The following CFAP74 variants were observed in gnomAD, a reference collection of about 807,000 sequenced individuals.
CFAP74 encodes cilia- and flagella-associated protein 74.
CFAP74 carries 124 observed loss-of-function variants against 188.9 expected under a neutral mutation model. That is an observed-to-expected ratio of 0.66 (90% confidence interval 0.57 to 0.76). CFAP74 has a LOEUF of 0.76. CFAP74 is among the 30% of genes least tolerant of loss of function. The pLI is 0.00. For synonymous variants in CFAP74, 956 were observed against 916.7 expected (o/e 1.04, Z -0.77); for missense variants, 2,198 against 2,165.2 (o/e 1.02, Z -0.30).
rs531238184 is a variant in CFAP74, at chr1:1,979,416, G to A, written c.501-5218C>T. Among the ~76,000 whole-genome samples, 259 of 146,204 alleles carry A rather than the reference G, an allele frequency of 1.8e-3. 1 individual carries two copies. The highest frequency in any genetic ancestry group is 4.0e-3 in the South Asian group (18 of 4,506). ...CACGTGACAAGGCTGTGCAGAACAC[G>A]CGTGTGGTACTGAGCTGGGCGTGGG... On this transcript the variant is annotated intron_variant, in intron 6 of 38. Coordinates refer to ENST00000682832, the MANE Select transcript of CFAP74 (RefSeq NM_001304360.2).
chr1:1,926,754 T>G lies in CFAP74; in HGVS notation c.3670A>C (p.Asn1224His). The G allele has an allele frequency of 6.5e-7, 1 of 1,549,672 alleles. No individual in the cohort carries two copies. The highest frequency in any genetic ancestry group is 8.7e-7 in the Non-Finnish European group (1 of 1,146,676). ...GSEPLSFSPHNTLYLELWCPT... is the reference protein window; with the variant it reads ...GSEPLSFSPHHTLYLELWCPT... ...CACCACAGCTCCAGGTACAGGGTGT[T>G]GTGGGGGCTGGGATAGGAAGGGCAT... Residue 1224 changes from asparagine to histidine, a missense_variant, in exon 30 of 39, where the codon AAC (asparagine) becomes CAC (histidine). Physicochemically the swap from Asn to His is moderately conservative, Grantham distance 68. Transcript: ENST00000682832.
chr1:1,970,721 G>A lies in CFAP74; in HGVS notation c.984C>T (p.Gly328=). ...QAEKKAILAQ[G]RDAFRHLVHQ... ...GGACAAGGTGCCTGAATGCATCCCT[G>A]CCCTGGGCCAGAATCGCCTTCTTCT... Residue 328 remains glycine (G), a synonymous_variant, in exon 10 of 39, where the codon GGC becomes GGT. Transcript: ENST00000682832. 3.1e-6 allele frequency: 5 copies of A among 1,614,056 alleles called. No individual in the cohort carries two copies. The highest frequency in any genetic ancestry group is 4.2e-6 in the Non-Finnish European group (5 of 1,179,974).
intron 2 of CFAP74, among the ~76,000 whole-genome samples, chr1:1,989,859 C>G (rs750209825): frequency 2.6e-5 from 4 of 152,318 alleles, no homozygotes; most frequent in Non-Finnish European, 5.9e-5. Flanking sequence ...GTTCTCAAAG[C>G]AAAATCCGAG....
intron 5 of CFAP74, among the ~76,000 whole-genome samples, chr1:1,985,963 C>T (rs1378447592): frequency 3.9e-5 from 6 of 152,244 alleles, no homozygotes; most frequent in African/African-American, 1.4e-4. Context: ...CCCACGAGAG[C>T]GGCACAGTGT....
intron 18 of CFAP74, among the ~76,000 whole-genome samples, chr1:1,952,526 G>A (rs1306186667): frequency 6.6e-6 from 1 of 150,814 alleles, no homozygotes; most frequent in African/African-American, 2.5e-5. Flanking sequence ...ATAACACATT[G>A]ATGAGCAAGA....
rs1390002726 is a variant in CFAP74, at chr1:1,970,659, C to T, written c.1046G>A (p.Arg349Lys). ...RRRQELEAQK[R>K]AFEEEQKLRK... ...GTGGCACCTCTGCCACCACCCTCAC[C>T]TCTTCTGGGCCTCCAGCTCCTGGCG... Residue 349 changes from arginine (R) to lysine (K), a missense_variant and splice_region_variant, in exon 10 of 39, where the codon AGG (arginine) becomes AAG (lysine). Arg to Lys is a conservative substitution (Grantham distance 26). Transcript: ENST00000682832. 1 of 1,604,870 alleles carries T rather than the reference C, an allele frequency of 6.2e-7. No individual in the cohort carries two copies. Among genetic ancestry groups the T allele is most frequent in the Admixed American group, 1.7e-5 (1 of 58,078 alleles).
In CFAP74 at chr1:1,988,977, G is replaced by C. The variant is rs1479241734; in HGVS notation, c.68-4C>G. 4 of 1,394,186 alleles carry C rather than the reference G, an allele frequency of 2.9e-6. No homozygotes were observed. Among genetic ancestry groups the C allele is most frequent in the African/African-American group, 1.5e-5 (1 of 68,230 alleles). The allele number at this position is 1,394,186 out of a possible 1,614,324, so 86.4% of individuals were successfully genotyped here. On this transcript the variant is annotated splice_region_variant and splice_polypyrimidine_tract_variant and intron_variant, in intron 2 of 38. Coordinates refer to ENST00000682832, the MANE Select transcript of CFAP74 (RefSeq NM_001304360.2). Reference sequence around the variant, plus strand: ...GGATCCTCTAATTCATCTCTTTCTAGAAATCAAGGCAAGAGTTTAAAAAAA... The same window carrying C: ...GGATCCTCTAATTCATCTCTTTCTACAAATCAAGGCAAGAGTTTAAAAAAA...
intron 1 of CFAP74, among the ~76,000 whole-genome samples, chr1:1,998,770 G>T (rs542927477): frequency 2.0e-5 from 3 of 152,016 alleles, no homozygotes; most frequent in Non-Finnish European, 4.4e-5. Context: ...CCAGCTACTC[G>T]GGAGGCTGAG....
At chr1:1,932,093 A>AAAAAAAAAC (rs1246446828) in intron 25 of CFAP74, among the ~76,000 whole-genome samples, 1 of 138,770 alleles carries the variant, frequency 7.2e-6, no homozygotes, top group African/African-American at 2.7e-5. Context: ...AAAACAAAAA[A>AAAAAAAAAC]CAAAAAACTT....
intron 16 of CFAP74, 66 bp from the exon 17 acceptor site, chr1:1,956,850 C>G (rs1203209533): frequency 1.1e-5 from 17 of 1,542,678 alleles, no homozygotes; most frequent in Non-Finnish European, 1.5e-5. Flanking sequence ...CAGCGTGAGG[C>G]CTGCACGTGG....
Position 1,923,442 on chromosome 1 carries a change from C to T in CFAP74, c.4447G>A (p.Glu1483Lys), listed in dbSNP as rs368634504. 202 of 1,610,282 alleles carry T rather than the reference C, an allele frequency of 1.3e-4. 1 individual carries two copies. The highest frequency in any genetic ancestry group is 1.7e-4 in the Non-Finnish European group (195 of 1,179,098). ...GGCACGTCCAGGGGGTCGCCGCCCT[C>T]CACGAACATCATGTGCTGACAGGCG... The part of the protein sequence containing the change: ...GAACQHMMFV[E>K]GGDPLDVPVE... The change falls in exon 36 of 39, where the codon GAG becomes AAG. Residue 1483 changes from glutamate (E) to lysine (K), a missense_variant. Coordinates refer to ENST00000682832, the MANE Select transcript of CFAP74 (RefSeq NM_001304360.2). The surrounding 1 kb of genome is among the most constrained non-coding windows in gnomAD (Gnocchi z 6.3).
rs746248923 is a variant in CFAP74 at position 1,990,894 on chromosome 1, T to C, written c.63A>G (p.Glu21=). The part of the protein sequence containing the change: ...DELLADALLL[E]DERDELEDPE... Reference sequence around the variant, plus strand: ...CTGTGAAAGAAGCTTTATTACCATCTTCCAAAAGAAGGGCATCGGCCAAAA... The same window carrying C: ...CTGTGAAAGAAGCTTTATTACCATCCTCCAAAAGAAGGGCATCGGCCAAAA... The change falls in exon 2 of 39, where the codon GAA becomes GAG. Residue 21 remains glutamate (E), a synonymous_variant. Coordinates refer to ENST00000682832, the MANE Select transcript of CFAP74 (RefSeq NM_001304360.2). 1.9e-6 allele frequency: 3 copies of C among 1,611,984 alleles called. No individual in the cohort carries two copies. Among genetic ancestry groups the C allele is most frequent in the East Asian group, 4.5e-5 (2 of 44,854 alleles).
chr1:1,927,993 A>T (rs1228458019), intron 27 of CFAP74: 2 of 526,046 alleles, frequency 3.8e-6, no homozygotes, highest in Non-Finnish European at 6.8e-6. Context: ...GCACGGAGTG[A>T]GGAGGCGGCC....
chr1:1,957,316 G>A (rs900993097), intron 16 of CFAP74, among the ~76,000 whole-genome samples: 2 of 152,190 alleles, frequency 1.3e-5, no homozygotes, highest in African/African-American at 2.4e-5. Flanking sequence ...GCTTTTCTGG[G>A]CTCTGAGTTT....
At chr1:1,936,674 C>T (rs1047601590) in intron 25 of CFAP74, among the ~76,000 whole-genome samples, 7 of 152,126 alleles carry the variant, frequency 4.6e-5, no homozygotes, top group Non-Finnish European at 8.8e-5. Context: ...GAGGCTGAAG[C>T]GGGAGGATCG....
At chr1:1,981,048 G>A (rs959897603) in intron 6 of CFAP74, among the ~76,000 whole-genome samples, 2 of 152,222 alleles carry the variant, frequency 1.3e-5, no homozygotes, top group Non-Finnish European at 2.9e-5. Context: ...GAGCCACAAC[G>A]GAGGCCTCCC....
chr1:1,993,998 A>G (rs957812490), intron 1 of CFAP74, among the ~76,000 whole-genome samples: 6 of 151,140 alleles, frequency 4.0e-5, no homozygotes, highest in Admixed American at 4.0e-4. Flanking sequence ...AATAAAAATA[A>G]AATAAAAATA....
At chr1:1,989,756 C>T (rs368416125) in intron 2 of CFAP74, among the ~76,000 whole-genome samples, 22 of 152,334 alleles carry the variant, frequency 1.4e-4, no homozygotes, top group East Asian at 3.9e-4. Context: ...CCACCACACC[C>T]GGCCCGTGTT....
Position 1,925,843 on chromosome 1 carries a change from T to C in CFAP74, c.4044A>G (p.Glu1348=). 1.2e-6 allele frequency: 2 copies of C among 1,612,694 alleles called. No individual in the cohort carries two copies. Among genetic ancestry groups the C allele is most frequent in the South Asian group, 1.1e-5 (1 of 91,086 alleles). The change falls in exon 33 of 39, where the codon GAA becomes GAG. Residue 1348 remains glutamate (E), a synonymous_variant. Coordinates refer to ENST00000682832, the MANE Select transcript of CFAP74 (RefSeq NM_001304360.2). The stretch of plus-strand genomic sequence containing the variant: ...CATAGCCCATGTTGAGGACGCTGCC[T>C]TCAATGGAGCACGTGATCATGGACG... The part of the protein sequence containing the change: ...GVASMITCSI[E]GSVLNMGYVI...
Sources: allele counts gnomAD v4.1 joint callset (sites outside exome capture counted in the v4.1 genomes callset), GRCh38; gene constraint gnomAD v4.1.1; non-coding constraint Gnocchi (gnomAD v3.1); transcripts MANE v1.5; gene names NCBI Gene and HGNC (gene_info 2026-07-23, HGNC 2026-07-21).